The following ABCB5 variants were observed in gnomAD, a reference collection of about 807,000 sequenced individuals.
The protein encoded by ABCB5 is ATP-binding cassette sub-family B member 5.
In ABCB5, 155 loss-of-function variants were observed where a neutral mutation model predicts 144.2. The observed-to-expected ratio is 1.08, with a 90% CI of 0.94 to 1.23. ABCB5 has a LOEUF of 1.23. ABCB5 is among the 50% of genes most tolerant of loss of function. ABCB5 has a pLI of 0.00. For missense variants in ABCB5, 1,830 were observed against 1,520.8 expected, an observed-to-expected ratio of 1.20 and a Z score of -3.38; for synonymous variants, 610 against 528.6, an observed-to-expected ratio of 1.15 and a Z score of -2.11.
intron 14 of ABCB5, among the ~76,000 whole-genome samples, chr7:20,677,679 A>C (rs1785661026): frequency 6.6e-6 from 1 of 152,172 alleles, no homozygotes; most frequent in Non-Finnish European, 1.5e-5. Context: ...CAGTGAGCTG[A>C]GATCACACCA....
chr7:20,642,715 C>T (rs375692417), intron 5 of ABCB5, among the ~76,000 whole-genome samples: 1 of 152,254 alleles, frequency 6.6e-6, no homozygotes, highest in Non-Finnish European at 1.5e-5. Flanking sequence ...TATATTGTTA[C>T]AAATGCTGCA....
At chr7:20,687,789 G>A (rs1018474094) in intron 16 of ABCB5, among the ~76,000 whole-genome samples, 1 of 152,204 alleles carries the variant, frequency 6.6e-6, no homozygotes, top group African/African-American at 2.4e-5. Flanking sequence ...AGAGGTTAAG[G>A]TAGGAGGATT....
At chr7:20,656,906 CTTTTTCTTTTTTTT>C (rs892465404) in intron 13 of ABCB5, among the ~76,000 whole-genome samples, 2 of 135,740 alleles carry the variant, frequency 1.5e-5, no homozygotes, top group African/African-American at 5.6e-5. Context: ...TTTCTTTTTC[CTTTTTCTTTTTTTT>C]TTTTTTTTTT....
At chr7:20,741,939 G>C (rs1336168572) in intron 24 of ABCB5, among the ~76,000 whole-genome samples, 1 of 152,224 alleles carries the variant, frequency 6.6e-6, no homozygotes, top group Non-Finnish European at 1.5e-5. Context: ...TAATCATTTA[G>C]TGATAGTTCT....
At chr7:20,692,550 T>C (rs1786266518) in intron 16 of ABCB5, among the ~76,000 whole-genome samples, 1 of 151,264 alleles carries the variant, frequency 6.6e-6, no homozygotes, top group Admixed American at 6.6e-5. Context: ...CACAAAGGAA[T>C]GAAGAGTATC....
chr7:20,647,762 A>C, intron 10 of ABCB5, 114 bp downstream of exon 10: 1 of 1,458,562 alleles, frequency 6.9e-7, no homozygotes, highest in Non-Finnish European at 9.2e-7. Context: ...AATGTTGGCC[A>C]GTTGTTTATG....
chr7:20,666,889 G>T, intron 14 of ABCB5: 1 of 1,333,342 alleles, frequency 7.5e-7, no homozygotes, highest in East Asian at 2.9e-5. Context: ...GACAGCATCA[G>T]CTCAAATTTT....
rs769538689 is a variant in ABCB5, at chr7:20,745,255, A to G, written c.3246A>G (p.Lys1082=). 1 of 1,614,010 alleles carries G rather than the reference A, an allele frequency of 6.2e-7. No individual in the cohort carries two copies. Among genetic ancestry groups the G allele is most frequent in the Non-Finnish European group, 8.5e-7 (1 of 1,179,876 alleles). The change falls in exon 26 of 28, where the codon AAA becomes AAG. Residue 1082 remains lysine (K), a synonymous_variant. Coordinates refer to ENST00000404938, the MANE Select transcript of ABCB5 (RefSeq NM_001163941.2). ...AGCTGTTTGATGGTGTGGATGCAAA[A>G]GAATTGAATGTACAGTGGCTCCGTT... ...GQVLFDGVDA[K]ELNVQWLRSQ...
intron 16 of ABCB5, among the ~76,000 whole-genome samples, chr7:20,695,089 A>T (rs936452412): frequency 6.6e-6 from 1 of 152,038 alleles, no homozygotes; most frequent in Non-Finnish European, 1.5e-5. Flanking sequence ...TTTTAAAAAG[A>T]GCAAAGTTGG....
chr7:20,704,881 G>A, intron 20 of ABCB5, 74 bp downstream of exon 20: 3 of 1,243,688 alleles, frequency 2.4e-6, no homozygotes, highest in East Asian at 4.8e-5. Flanking sequence ...ATGTGTCTGT[G>A]CATATATGTG....
chr7:20,733,082 G>A (rs1308553639), intron 23 of ABCB5, among the ~76,000 whole-genome samples: 1 of 152,236 alleles, frequency 6.6e-6, no homozygotes, highest in South Asian at 2.1e-4. Flanking sequence ...AAGACTCAAA[G>A]AGGTTACCTA....
intron 14 of ABCB5, among the ~76,000 whole-genome samples, chr7:20,668,068 G>C (rs1221098333): frequency 1.0e-5 from 1 of 96,904 alleles, no homozygotes; most frequent in Non-Finnish European, 2.0e-5. Flanking sequence ...ATCTCGGCTC[G>C]CTACAACCTC....
chr7:20,747,244 GC>G (rs1265502313), intron 26 of ABCB5, among the ~76,000 whole-genome samples: 1 of 152,150 alleles, frequency 6.6e-6, no homozygotes, highest in African/African-American at 2.4e-5. Context: ...GTGAAATGCT[GC>G]CCAATTGATA....
chr7:20,749,415 T>G (rs1193152739), intron 26 of ABCB5, among the ~76,000 whole-genome samples: 7 of 144,872 alleles, frequency 4.8e-5, no homozygotes, highest in African/African-American at 1.5e-4. Context: ...TTTTTTTTTT[T>G]TTTGCAAAGA....
Position 20,748,591 on chromosome 7 carries a change from A to C in ABCB5, c.3429+3153A>C, listed in dbSNP as rs1217885190. Among the ~76,000 whole-genome samples the C allele has an allele frequency of 3.1e-5, 4 of 128,984 alleles. No individual in the cohort carries two copies. In the South Asian group the frequency reaches 1.1e-3, roughly 34 times the overall value. The allele number at this position is 128,984 out of a possible 152,430, so 84.6% of individuals were successfully genotyped here. A position where few individuals can be genotyped will look rare whatever the true frequency, so the allele number is the denominator to read the frequency against. On this transcript the variant is annotated intron_variant, in intron 26 of 27. Coordinates refer to ENST00000404938, the MANE Select transcript of ABCB5 (RefSeq NM_001163941.2). ...CTTGAACCCGGGAGATGGAGGTTGCAGTGAGCCAAGATCATGCCATTGCAC... is the reference window on the plus strand; with the variant it reads ...CTTGAACCCGGGAGATGGAGGTTGCCGTGAGCCAAGATCATGCCATTGCAC...
chr7:20,687,880 A>C (rs915356575), intron 16 of ABCB5, among the ~76,000 whole-genome samples: 1 of 151,826 alleles, frequency 6.6e-6, no homozygotes, highest in African/African-American at 2.4e-5. Flanking sequence ...GCAAGAACCC[A>C]TCTCTGAAAT....
Position 20,690,489 on chromosome 7 carries a change from G to C in ABCB5, c.2010+4653G>C, listed in dbSNP as rs552185667. Among the ~76,000 whole-genome samples, 106 of 152,194 alleles carry C rather than the reference G, an allele frequency of 7.0e-4. 1 individual carries two copies. Among genetic ancestry groups the C allele is most frequent in the Middle Eastern group, 3.4e-3 (1 of 294 alleles). ...CATAGACTTCACCAGTCTTCCAAAG[G>C]AGTCCACGAAATAAAACAGGTGAAG... On this transcript the variant is annotated intron_variant, in intron 16 of 27. Transcript: ENST00000404938.
intron 14 of ABCB5, among the ~76,000 whole-genome samples, chr7:20,680,510 CA>C (rs1408267811): frequency 6.7e-6 from 1 of 150,248 alleles, no homozygotes; most frequent in Non-Finnish European, 1.5e-5. Flanking sequence ...ACGGAGCTTG[CA>C]GTGAGCCGAG....
At chr7:20,677,624 G>T (rs1039534552) in intron 14 of ABCB5, among the ~76,000 whole-genome samples, 2 of 152,144 alleles carry the variant, frequency 1.3e-5, no homozygotes, top group Non-Finnish European at 2.9e-5. Flanking sequence ...AGCTACTCGG[G>T]AGGCTGAGGC....
Sources: allele counts gnomAD v4.1 joint callset (sites outside exome capture counted in the v4.1 genomes callset), GRCh38; gene constraint gnomAD v4.1.1; transcripts MANE v1.5; gene names NCBI Gene and HGNC (gene_info 2026-07-23, HGNC 2026-07-21).